Variants in TPRG1 observed in about 807,000 individuals in gnomAD.
TPRG1 encodes the protein tumor protein p63 regulated 1, also known as tumor protein p63-regulated gene 1 protein.
A neutral mutation model predicts 29.3 loss-of-function variants in TPRG1; 29 were observed. The ratio of observed to expected loss-of-function variants is 0.99; its 90% CI spans 0.74 to 1.35. The LOEUF is 1.35. Ranked by LOEUF, TPRG1 falls within the 40% of genes most tolerant of loss-of-function variation. The probability of loss-of-function intolerance (pLI) is 0.00; values close to 1 mark genes in which losing one functional copy is unlikely to be tolerated. For synonymous variants in TPRG1, 130 were observed against 116.8 expected (o/e 1.11, Z -0.73); for missense variants, 327 against 335.0 (o/e 0.98, Z 0.19).
chr3:189,190,529 CT>C (rs773372554), intron 1 of TPRG1, among the ~76,000 whole-genome samples: 28 of 152,296 alleles, frequency 1.8e-4, no homozygotes, highest in Non-Finnish European at 2.8e-4. Context: ...CTTTGGCATA[CT>C]TTAGGAACTG....
intron 2 of TPRG1, chr3:189,212,028 A>T (rs1190687093): frequency 6.6e-6 from 1 of 152,044 alleles, no homozygotes; most frequent in African/African-American, 2.4e-5. Flanking sequence ...GTGGAGACTG[A>T]TATTCAAAAG....
rs148052412 is a variant in TPRG1 at position 189,130,605 on chromosome 3, G to A, written c.-589-1794G>A. On this transcript the variant is annotated intron_variant, in intron 2 of 6. Transcript: ENST00000412373. ...CCCTTGACATGGACTGTAATAGGAT[G>A]AAACTAGAGGCAAATGTAGATTCCC... Among the ~76,000 whole-genome samples the A allele has an allele frequency of 2.7e-3, 412 of 151,972 alleles. 4 individuals are homozygous for A. Among genetic ancestry groups the A allele is most frequent in the African/African-American group, 9.6e-3 (396 of 41,246 alleles).
At chr3:189,086,267 C>T (rs1205172950) in intron 4 of TPRG1, among the ~76,000 whole-genome samples, 1 of 152,116 alleles carries the variant, frequency 6.6e-6, no homozygotes, top group Non-Finnish European at 1.5e-5. Flanking sequence ...CCTCTGCCTG[C>T]TTTTATCCTA....
intron 4 of TPRG1, among the ~76,000 whole-genome samples, chr3:189,303,443 T>A (rs1464443272): frequency 6.6e-6 from 1 of 152,178 alleles, no homozygotes; most frequent in Non-Finnish European, 1.5e-5. Flanking sequence ...ATCCAGTGCC[T>A]TCTTTATTTT....
chr3:189,162,282 C>T (rs934648266), intron 5 of TPRG1, among the ~76,000 whole-genome samples: 1 of 152,088 alleles, frequency 6.6e-6, no homozygotes, highest in Non-Finnish European at 1.5e-5. Context: ...CATGAGCCAT[C>T]GCACCCAGCC....
intron 1 of TPRG1, among the ~76,000 whole-genome samples, chr3:189,115,863 A>ATAATTATTAGTAGGTTACC (rs1171874672): frequency 6.6e-6 from 1 of 152,098 alleles, no homozygotes; most frequent in African/African-American, 2.4e-5. Context: ...ACCTCTTTTA[A>ATAATTATTAGTAGGTTACC]TCTACTAATA....
chr3:189,065,671 A>G (rs1716391274), intron 4 of TPRG1, among the ~76,000 whole-genome samples: 1 of 152,200 alleles, frequency 6.6e-6, no homozygotes, highest in African/African-American at 2.4e-5. Flanking sequence ...ATGACTTGAT[A>G]TGAACATCTA....
At chr3:189,154,901 T>G (rs1726459462) in intron 5 of TPRG1, among the ~76,000 whole-genome samples, 1 of 152,196 alleles carries the variant, frequency 6.6e-6, no homozygotes, top group South Asian at 2.1e-4. Context: ...GGCTATATTA[T>G]GGAGATGTTT....
chr3:189,297,424 C>G (rs1720130896), intron 4 of TPRG1, among the ~76,000 whole-genome samples: 1 of 152,144 alleles, frequency 6.6e-6, no homozygotes, highest in East Asian at 1.9e-4. Context: ...GTGCCCATCC[C>G]CGCGGCCTGA....
At chr3:189,306,757 T>C (rs998379533) in intron 4 of TPRG1, among the ~76,000 whole-genome samples, 1 of 152,156 alleles carries the variant, frequency 6.6e-6, no homozygotes, top group Non-Finnish European at 1.5e-5. Flanking sequence ...ACACTCAATA[T>C]ATGCTGGTGG....
intron 1 of TPRG1, among the ~76,000 whole-genome samples, chr3:189,124,165 C>T (rs948603311): frequency 1.3e-5 from 2 of 151,992 alleles, no homozygotes; most frequent in Admixed American, 6.6e-5. Flanking sequence ...TTCCAGTGTG[C>T]CAGAGACAGC....
chr3:189,259,267 T>C (rs2109030424), intron 4 of TPRG1, among the ~76,000 whole-genome samples: 1 of 151,994 alleles, frequency 6.6e-6, no homozygotes, highest in South Asian at 2.1e-4. Context: ...CCCTGACCCC[T>C]TGGGCTTCCC....
intron 1 of TPRG1, among the ~76,000 whole-genome samples, chr3:189,111,317 A>T (rs1224946726): frequency 6.6e-6 from 1 of 152,064 alleles, no homozygotes; most frequent in Non-Finnish European, 1.5e-5. Context: ...GTACATAAAT[A>T]TTTCAGGCTT....
At chr3:189,238,622 C>A in intron 3 of TPRG1, 111 bp from the exon 4 acceptor site, 2 of 895,984 alleles carry the variant, frequency 2.2e-6, no homozygotes, top group Non-Finnish European at 3.4e-6. Flanking sequence ...GCCCCTCTCT[C>A]TTCTGAGTTG....
intron 4 of TPRG1, among the ~76,000 whole-genome samples, chr3:189,035,735 A>C (rs1264330032): frequency 6.6e-6 from 1 of 150,948 alleles, no homozygotes; most frequent in African/African-American, 2.4e-5. Context: ...AACTCATACT[A>C]GTCAGAATGG....
chr3:189,050,924 G>T (rs1715276209), intron 4 of TPRG1, among the ~76,000 whole-genome samples: 1 of 152,044 alleles, frequency 6.6e-6, no homozygotes, highest in Non-Finnish European at 1.5e-5. Context: ...GGCATGCAAG[G>T]GACATACCTT....
chr3:189,319,331 C>T lies in TPRG1; in HGVS notation c.634-1295C>T, dbSNP rs937502148. 3.3e-5 allele frequency among the ~76,000 whole-genome samples: 5 copies of T among 152,158 alleles called. No homozygotes were observed. The South Asian group carries it at 1.0e-3, about 32-fold the overall frequency. ...AGGATTTCTGGTGAGGTAACTCAAA[C>T]CACGTGTCTGCAACAAAATCCTCCA... On this transcript the variant is annotated intron_variant, in intron 5 of 5. Coordinates refer to ENST00000345063, the MANE Select transcript of TPRG1 (RefSeq NM_198485.4).
intron 4 of TPRG1, among the ~76,000 whole-genome samples, chr3:189,290,925 C>T (rs902465647): frequency 5.3e-5 from 8 of 152,040 alleles, no homozygotes; most frequent in African/African-American, 1.7e-4. Context: ...GTTGTTGAGA[C>T]GGAGTCTTGC....
chr3:189,281,083 T>C (rs1331679511), intron 4 of TPRG1, among the ~76,000 whole-genome samples: 2 of 152,192 alleles, frequency 1.3e-5, no homozygotes, highest in Non-Finnish European at 2.9e-5. Context: ...ATCAACCAAA[T>C]GCTGTTAAAA....
Sources: gnomAD v4.1 joint callset for allele counts (sites outside exome capture counted in the v4.1 genomes callset) on GRCh38, gnomAD v4.1.1 for gene constraint, MANE v1.5 for transcripts, NCBI Gene and HGNC (gene_info 2026-07-23, HGNC 2026-07-21) for gene names.